Variants in CCDC9B observed in about 807,000 individuals in gnomAD.
The protein encoded by CCDC9B is coiled-coil domain containing 9B.
A neutral mutation model predicts 47.2 loss-of-function variants in CCDC9B; 40 were observed. The ratio of observed to expected loss-of-function variants is 0.85; its 90% confidence interval spans 0.66 to 1.10. The LOEUF (loss-of-function observed/expected upper bound fraction) is 1.10. Ranked by LOEUF, CCDC9B falls within the 50% of genes least tolerant of loss-of-function variation. The pLI is 0.00. For missense variants in CCDC9B, 662 were observed against 651.0 expected (o/e 1.02, Z -0.18); for synonymous variants, 238 against 250.7 (o/e 0.95, Z 0.48).
intron 7 of CCDC9B, 167 bp downstream of exon 7, chr15:40,337,221 A>C: frequency 1.3e-6 from 1 of 746,412 alleles, no homozygotes; most frequent in Middle Eastern, 2.4e-4. Context: ...GGAGGATGGG[A>C]GGTCTTGGTG....
rs1180853521 is a variant in CCDC9B, at chr15:40,332,360, T to C, written c.*2798A>G. On this transcript the variant is annotated 3_prime_UTR_variant, in exon 11 of 11. Transcript: ENST00000397536. ...ATCTTGAAGAAGAGCTCTCCTTTTTTGAAAAGAGCTCAATGTTACCTGCCT... is the reference window on the plus strand; with the variant it reads ...ATCTTGAAGAAGAGCTCTCCTTTTTCGAAAAGAGCTCAATGTTACCTGCCT... The C allele has an allele frequency of 2.0e-5, 3 of 152,230 alleles. No homozygotes were observed. Among genetic ancestry groups the C allele is most frequent in the Non-Finnish European group, 4.4e-5 (3 of 68,040 alleles). 9.4% of individuals were successfully genotyped at this position (152,230 alleles called of 1,614,324 possible). A position where few individuals can be genotyped will look rare whatever the true frequency, so the allele number is the denominator to read the frequency against.
Position 40,340,853 on chromosome 15 carries a change from G to GC in CCDC9B, c.-35dup. ...CGGGCACCGAGAGAATTCCAGAGCA[G>GC]CCCCTGGGGAGCCAGAGTGGGAGGA... is the stretch of plus-strand genomic sequence containing the variant. On this transcript the variant is annotated 5_prime_UTR_variant, in exon 1 of 11. Transcript: ENST00000397536. 6.2e-7 allele frequency: 1 copy of GC among 1,609,364 alleles called. No homozygotes were observed. Among genetic ancestry groups the GC allele is most frequent in the Non-Finnish European group, 8.5e-7 (1 of 1,178,628 alleles).
chr15:40,335,667 C>T lies in CCDC9B; in HGVS notation c.964G>A (p.Glu322Lys). ...SQSTRETPSE[E>K]EQAQKQSGME... ...CCGCTCTGCTTCTGGGCTTGCTCCT[C>T]CTCACTGGGAGTCTCTCTGGTGCTT... The change falls in exon 11 of 11, where the codon GAG becomes AAG. Residue 322 changes from glutamate (E) to lysine (K), a missense_variant. By Grantham distance (56) the Glu-to-Lys change is moderately conservative. Coordinates refer to ENST00000397536, the MANE Select transcript of CCDC9B (RefSeq NM_207380.3). 2 of 1,545,404 alleles carry T rather than the reference C, an allele frequency of 1.3e-6. No individual in the cohort carries two copies. The highest frequency in any genetic ancestry group is 1.8e-6 in the Non-Finnish European group (2 of 1,142,706).
Position 40,339,912 on chromosome 15 carries a change from C to A in CCDC9B, c.116G>T (p.Arg39Met). The change falls in exon 2 of 11, where the codon AGG becomes ATG. Residue 39 changes from arginine to methionine, a missense_variant. Coordinates refer to ENST00000397536, the MANE Select transcript of CCDC9B (RefSeq NM_207380.3). ...CTGTGGCAGCCCACTCACCTGGTAC[C>A]TGCGGAGCAAGGCCTGGTTCTTCTT... ...LRKKNQALLR[R>M]YQEIQEDRRQ... 6.2e-7 allele frequency: 1 copy of A among 1,612,160 alleles called. No individual in the cohort carries two copies. Among genetic ancestry groups the A allele is most frequent in the African/African-American group, 1.3e-5 (1 of 75,016 alleles).
chr15:40,339,396 C>A, intron 3 of CCDC9B, 116 bp downstream of exon 3: 1 of 1,103,626 alleles, frequency 9.1e-7, no homozygotes, highest in South Asian at 1.4e-5. Flanking sequence ...TGGGAGCTGG[C>A]AGGTGCACCC....
In CCDC9B at chr15:40,335,415, C is replaced by T. The variant is rs766277397; in HGVS notation, c.1216G>A (p.Val406Met). The change falls in exon 11 of 11, where the codon GTG becomes ATG. Residue 406 changes from valine to methionine, a missense_variant. Coordinates refer to ENST00000397536, the MANE Select transcript of CCDC9B (RefSeq NM_207380.3). ...GLRPGAQESP[V>M]SWPEGSKQQP... Reference sequence around the variant, plus strand: ...TGCTTAGAGCCCTCTGGCCAAGACACAGGGCTCTCCTGGGCCCCAGGCCTC... The same window carrying T: ...TGCTTAGAGCCCTCTGGCCAAGACATAGGGCTCTCCTGGGCCCCAGGCCTC... 2 of 1,612,410 alleles carry T rather than the reference C, an allele frequency of 1.2e-6. No homozygotes were observed. The highest frequency in any genetic ancestry group is 1.7e-6 in the Non-Finnish European group (2 of 1,179,634).
In CCDC9B at chr15:40,335,644, G is replaced by T; in HGVS notation, c.987C>A (p.Ser329Arg). The part of the protein sequence containing the change: ...PSEEEQAQKQ[S>R]GMEQGRLGSA... The stretch of plus-strand genomic sequence containing the variant: ...TCCCCAGTCGGCCCTGCTCCATCCC[G>T]CTCTGCTTCTGGGCTTGCTCCTCCT... Residue 329 changes from serine to arginine, a missense_variant, in exon 11 of 11, where the codon AGC (serine) becomes AGA (arginine). Transcript: ENST00000397536. 6.5e-7 allele frequency: 1 copy of T among 1,526,990 alleles called. No individual in the cohort carries two copies. The highest frequency in any genetic ancestry group is 8.8e-7 in the Non-Finnish European group (1 of 1,132,984). 94.6% of individuals were successfully genotyped at this position (1,526,990 alleles called of 1,614,324 possible). A position where few individuals can be genotyped will look rare whatever the true frequency, so the allele number is the denominator to read the frequency against.
In CCDC9B at chr15:40,338,920, C is replaced by T. The variant is rs1889026104; in HGVS notation, c.232-17G>A. 1 of 1,614,130 alleles carries T rather than the reference C, an allele frequency of 6.2e-7. No homozygotes were observed. The highest frequency in any genetic ancestry group is 8.5e-7 in the Non-Finnish European group (1 of 1,180,006). On this transcript the variant is annotated splice_polypyrimidine_tract_variant and intron_variant, in intron 3 of 10. Transcript: ENST00000397536. ...CCGCTTTTCCTGCAGAACAAAGACCCTCAGGCCACATGGGCAGTGCTGGGC... is the reference window on the plus strand; with the variant it reads ...CCGCTTTTCCTGCAGAACAAAGACCTTCAGGCCACATGGGCAGTGCTGGGC...
chr15:40,334,853 T>G lies in CCDC9B; in HGVS notation c.*305A>C. ...GTTCTCTCATCATAGTGGAGAAGGC[T>G]TGTGGCCTGGGCAGCAGTAGGCCCA... On this transcript the variant is annotated 3_prime_UTR_variant, in exon 11 of 11. Transcript: ENST00000397536. 7.6e-6 allele frequency: 2 copies of G among 262,440 alleles called. No homozygotes were observed. Among genetic ancestry groups the G allele is most frequent in the Non-Finnish European group, 1.4e-5 (2 of 138,736 alleles). The allele number at this position is 262,440 out of a possible 1,614,324, so 16.3% of individuals were successfully genotyped here.
At position 40,337,434 on chromosome 15, in the gene CCDC9B, G is replaced by T; in HGVS notation, c.696C>A (p.Cys232Ter). ...LDKAKSTLQDCSQLRGEGPAR... is the reference protein window; with the variant it reads ...LDKAKSTLQD ...CCGGGCCTTCTCCCCTCAGCTGGCT[G>T]CAGTCCTGTAGCCTGTGTAGACAGA... is the stretch of plus-strand genomic sequence containing the variant. The change falls in exon 7 of 11, where the codon TGC (cysteine) becomes TGA (stop). Residue 232 changes from cysteine to a stop codon, truncating the protein, a stop_gained. Coordinates refer to ENST00000397536, the MANE Select transcript of CCDC9B (RefSeq NM_207380.3). LOFTEE classifies it high-confidence loss of function. The T allele has an allele frequency of 6.3e-7, 1 of 1,594,302 alleles. No homozygotes were observed. The highest frequency in any genetic ancestry group is 8.5e-7 in the Non-Finnish European group (1 of 1,170,534).
In CCDC9B at chr15:40,336,679, CG is replaced by C; in HGVS notation, c.797-16del. On this transcript the variant is annotated splice_polypyrimidine_tract_variant and intron_variant, in intron 8 of 10. Coordinates refer to ENST00000397536, the MANE Select transcript of CCDC9B (RefSeq NM_207380.3). ...CCCGCCCCGACCTGCAAGAGATGGTCGGCCAAGGAGAGAAGAGGCCCATAGC... is the reference window on the plus strand; with the variant it reads ...CCCGCCCCGACCTGCAAGAGATGGTCGCCAAGGAGAGAAGAGGCCCATAGC... The C allele has an allele frequency of 6.2e-7, 1 of 1,610,650 alleles. No homozygotes were observed. The highest frequency in any genetic ancestry group is 8.5e-7 in the Non-Finnish European group (1 of 1,177,556).
intron 1 of CCDC9B, 91 bp from the exon 2 acceptor site, chr15:40,340,106 C>T: frequency 1.3e-6 from 1 of 740,788 alleles, no homozygotes; most frequent in Non-Finnish European, 2.3e-6. Context: ...AGGAAGAGAT[C>T]CCAGACCCAC....
intron 9 of CCDC9B, 79 bp from the exon 10 acceptor site, chr15:40,335,905 G>A (rs1167353389): frequency 6.4e-7 from 1 of 1,556,072 alleles, no homozygotes; most frequent in Non-Finnish European, 8.7e-7. Flanking sequence ...AGAGGGGTGG[G>A]GTGGAGTTGA....
At chr15:40,339,647 G>T (rs368354253) in intron 2 of CCDC9B, 28 bp from the exon 3 acceptor site, 3 of 1,610,812 alleles carry the variant, frequency 1.9e-6, no homozygotes, top group Non-Finnish European at 1.7e-6. Flanking sequence ...GTCAGCACAC[G>T]CCATGGCCCC....
intron 3 of CCDC9B, 62 bp downstream of exon 3, chr15:40,339,450 C>G: frequency 6.4e-7 from 1 of 1,562,826 alleles, no homozygotes; most frequent in Non-Finnish European, 8.8e-7. Flanking sequence ...GCTGTCTTTC[C>G]CCGACATGGT....
chr15:40,339,513 C>G lies in CCDC9B; in HGVS notation c.230G>C (p.Gly77Ala). 1.2e-6 allele frequency: 2 copies of G among 1,613,726 alleles called. No homozygotes were observed. Among genetic ancestry groups the G allele is most frequent in the Middle Eastern group, 1.7e-4 (1 of 6,058 alleles). Reference protein sequence around the residue: ...GLTVTISQVPGEKRVVSRNWA... With the variant: ...GLTVTISQVPAEKRVVSRNWA... ...CCTGTCTCCCAGGGTGAGGCTTACA[C>G]CGGGAACCTGGCTGATGGTAACGGT... is the stretch of plus-strand genomic sequence containing the variant. Residue 77 changes from glycine to alanine, a missense_variant and splice_region_variant, in exon 3 of 11, where the codon GGT (glycine) becomes GCT (alanine). By Grantham distance (60) the Gly-to-Ala change is moderately conservative. Coordinates refer to ENST00000397536, the MANE Select transcript of CCDC9B (RefSeq NM_207380.3).
Position 40,334,508 on chromosome 15 carries a change from C to T in CCDC9B, c.*650G>A, listed in dbSNP as rs959192410. 3.3e-5 allele frequency: 5 copies of T among 152,338 alleles called. No individual in the cohort carries two copies. Among genetic ancestry groups the T allele is most frequent in the Admixed American group, 2.0e-4 (3 of 15,312 alleles). The allele number at this position is 152,338 out of a possible 1,614,324, so 9.4% of individuals were successfully genotyped here. On this transcript the variant is annotated 3_prime_UTR_variant, in exon 11 of 11. Transcript: ENST00000397536. ...GTGGGAAGAGGAGGTTGTCGCTCCC[C>T]ATCCCAACCCATTTCAGAGAGGAGG...
In CCDC9B at chr15:40,331,863, CAT is replaced by C. The variant is rs1187559857; in HGVS notation, c.*3293_*3294del. ...GGCCACACTGCCTGTCATCAAAACA[CAT>C]GTCTTTCTTGCAGGCTGGTCTATTG... On this transcript the variant is annotated 3_prime_UTR_variant, in exon 11 of 11. Transcript: ENST00000397536. 1 of 152,606 alleles carries C rather than the reference CAT, an allele frequency of 6.6e-6. No individual in the cohort carries two copies. The highest frequency in any genetic ancestry group is 1.5e-5 in the Non-Finnish European group (1 of 68,048). The allele number at this position is 152,606 out of a possible 1,614,324, so 9.5% of individuals were successfully genotyped here. A position where few individuals can be genotyped will look rare whatever the true frequency, so the allele number is the denominator to read the frequency against.
chr15:40,337,731 T>A lies in CCDC9B; in HGVS notation c.676A>T (p.Lys226Ter). 4.4e-6 allele frequency: 7 copies of A among 1,597,088 alleles called. No individual in the cohort carries two copies. The highest frequency in any genetic ancestry group is 6.0e-6 in the Non-Finnish European group (7 of 1,174,452). ...CCCAACCCAGCCACCCACGTGGACT[T>A]GGCCTTGTCCAGGTCCCACGGGCGG... Reference protein sequence around the residue: ...WRRPWDLDKAKSTLQDCSQLR... With the variant: ...WRRPWDLDKA The change falls in exon 6 of 11, where the codon AAG (lysine) becomes TAG (stop). Residue 226 changes from lysine (K) to a stop codon, truncating the protein, a stop_gained. Coordinates refer to ENST00000397536, the MANE Select transcript of CCDC9B (RefSeq NM_207380.3). LOFTEE classifies it high-confidence loss of function.
Sources: gnomAD v4.1 joint callset for allele counts on GRCh38, gnomAD v4.1.1 for gene constraint, MANE v1.5 for transcripts, NCBI Gene and HGNC (gene_info 2026-07-23, HGNC 2026-07-21) for gene names.